The following MYO1H variants were observed in gnomAD, a reference collection of about 807,000 sequenced individuals.
MYO1H encodes the protein myosin IH, also known as unconventional myosin-Ih.
In MYO1H, 118 loss-of-function variants were observed where a neutral mutation model predicts 149.3. The observed-to-expected ratio is 0.79, with a 90% CI of 0.68 to 0.92. The LOEUF (loss-of-function observed/expected upper bound fraction) is 0.92, where lower values mean the gene tolerates loss of function less well. Ranked by LOEUF, MYO1H falls within the 40% of genes least tolerant of loss-of-function variation. The probability of loss-of-function intolerance (pLI) is 0.00; values close to 1 mark genes in which losing one functional copy is unlikely to be tolerated. For synonymous variants in MYO1H, 447 were observed against 465.2 expected, an observed-to-expected ratio of 0.96 and a Z score of 0.50; for missense variants, 1,212 against 1,280.7, an observed-to-expected ratio of 0.95 and a Z score of 0.82.
intron 7 of MYO1H, among the ~76,000 whole-genome samples, chr12:109,405,470 C>T (rs1409235500): frequency 1.3e-5 from 2 of 152,028 alleles, no homozygotes; most frequent in East Asian, 3.9e-4. Context: ...GCCACCGTGC[C>T]CAGCTAATTT....
intron 7 of MYO1H, 30 bp downstream of exon 7, chr12:109,404,110 T>A (rs745557386): frequency 8.6e-6 from 13 of 1,508,430 alleles, no homozygotes; most frequent in Admixed American, 3.4e-5. Context: ...AACTGATAGT[T>A]CCCCCTGGGA....
intron 1 of MYO1H, among the ~76,000 whole-genome samples, chr12:109,370,529 A>G (rs757806050): frequency 6.6e-6 from 1 of 152,236 alleles, no homozygotes; most frequent in Non-Finnish European, 1.5e-5. Flanking sequence ...GTTGTGGGTA[A>G]TACATGAGAC....
intron 1 of MYO1H, among the ~76,000 whole-genome samples, chr12:109,361,116 A>G (rs1168165809): frequency 1.3e-5 from 2 of 152,232 alleles, no homozygotes; most frequent in African/African-American, 2.4e-5. Flanking sequence ...TGTTGTCCCA[A>G]TTCTTTTCTT....
At chr12:109,429,556 T>C (rs1327000232) in intron 19 of MYO1H, among the ~76,000 whole-genome samples, 1 of 152,208 alleles carries the variant, frequency 6.6e-6, no homozygotes. Flanking sequence ...TACAGGAAGA[T>C]GTACTCAGGT....
intron 1 of MYO1H, among the ~76,000 whole-genome samples, chr12:109,386,036 T>C (rs1482107673): frequency 6.6e-6 from 1 of 152,226 alleles, no homozygotes; most frequent in Non-Finnish European, 1.5e-5. Flanking sequence ...ACTCCTCAAC[T>C]AGGCAACAAT....
At chr12:109,341,189 G>GAA in the MYO1H span, among the ~76,000 whole-genome samples, 47 of 96,014 alleles carry the variant, frequency 4.9e-4, 3 homozygotes, top group African/African-American at 1.3e-3. Flanking sequence ...ACTCCATCTC[G>GAA]AAAAAAAAAA....
At chr12:109,328,093 A>T in the MYO1H span, among the ~76,000 whole-genome samples, 1 of 151,034 alleles carries the variant, frequency 6.6e-6, no homozygotes. Flanking sequence ...GTCTCTGAGT[A>T]AAATTCTGAG....
At chr12:109,431,588 G>T (rs996429744) in intron 19 of MYO1H, among the ~76,000 whole-genome samples, 1 of 152,150 alleles carries the variant, frequency 6.6e-6, no homozygotes, top group Admixed American at 6.5e-5. Flanking sequence ...CCGGAGCTGG[G>T]CTGGAACCCA....
At chr12:109,381,950 A>T (rs541576611) in intron 1 of MYO1H, among the ~76,000 whole-genome samples, 2 of 152,342 alleles carry the variant, frequency 1.3e-5, no homozygotes, top group South Asian at 4.1e-4. Context: ...TTATTCTGAA[A>T]ACTAGCAAAT....
chr12:109,341,356 C>A, the MYO1H span, among the ~76,000 whole-genome samples: 2 of 152,110 alleles, frequency 1.3e-5, no homozygotes, highest in South Asian at 4.2e-4. Flanking sequence ...CACTTCACTA[C>A]AGAATTCATC....
At chr12:109,403,463 T>C (rs904951790) in intron 6 of MYO1H, among the ~76,000 whole-genome samples, 5 of 152,232 alleles carry the variant, frequency 3.3e-5, no homozygotes, top group East Asian at 1.9e-4. Context: ...AGACAACTTC[T>C]GGAGTTCATG....
chr12:109,427,385 T>C, intron 18 of MYO1H, 84 bp from the exon 19 acceptor site: 1 of 866,858 alleles, frequency 1.2e-6, no homozygotes, highest in Admixed American at 1.8e-5. Flanking sequence ...CCCACTGAAC[T>C]TCAGCTTGCA....
chr12:109,323,351 G>A, the MYO1H span, among the ~76,000 whole-genome samples: 3 of 152,202 alleles, frequency 2.0e-5, no homozygotes, highest in African/African-American at 4.8e-5. Flanking sequence ...TTTGTCCGAT[G>A]TTGAAATGAA....
chr12:109,439,316 T>G (rs1232529069), intron 23 of MYO1H, among the ~76,000 whole-genome samples: 1 of 152,162 alleles, frequency 6.6e-6, no homozygotes, highest in Non-Finnish European at 1.5e-5. Context: ...TGACCTCAAA[T>G]GATCCGCCTG....
chr12:109,387,972 G>A (rs1869433466), intron 1 of MYO1H, among the ~76,000 whole-genome samples: 2 of 152,334 alleles, frequency 1.3e-5, no homozygotes, highest in East Asian at 1.9e-4. Flanking sequence ...TGGTATCCTG[G>A]TGAGATTCTT....
chr12:109,433,163 G>A (rs139771886), intron 20 of MYO1H, among the ~76,000 whole-genome samples, 153 bp downstream of exon 20: 17 of 152,326 alleles, frequency 1.1e-4, no homozygotes, highest in Admixed American at 5.2e-4. Context: ...TGTAAATGCA[G>A]CTCTTAATTC....
chr12:109,409,457 T>G, intron 10 of MYO1H, 100 bp from the exon 11 acceptor site: 27 of 987,494 alleles, frequency 2.7e-5, no homozygotes, highest in Non-Finnish European at 3.8e-5. Flanking sequence ...AGAGGACATA[T>G]GAGCTTTAGC....
chr12:109,363,069 C>T (rs775503819), intron 1 of MYO1H, among the ~76,000 whole-genome samples: 13 of 152,182 alleles, frequency 8.5e-5, no homozygotes, highest in Non-Finnish European at 1.5e-4. Context: ...TAGTTATCTC[C>T]GCAATTAGGC....
At chr12:109,388,914 A>G (rs1204426034) in intron 2 of MYO1H, 70 bp downstream of exon 2, 2 of 1,509,288 alleles carry the variant, frequency 1.3e-6, no homozygotes, top group South Asian at 1.3e-5. Context: ...GACTTTGATG[A>G]GTGTGAATAA....
Sources: gnomAD v4.1 joint callset for allele counts (sites outside exome capture counted in the v4.1 genomes callset) on GRCh38, gnomAD v4.1.1 for gene constraint, MANE v1.5 for transcripts, NCBI Gene and HGNC (gene_info 2026-07-23, HGNC 2026-07-21) for gene names.